The following HSPA4L variants were observed in gnomAD, a reference collection of about 807,000 sequenced individuals.
HSPA4L encodes heat shock protein family A (Hsp70) member 4 like.
HSPA4L carries 48 observed loss-of-function variants against 100.3 expected under a neutral mutation model. That is an observed-to-expected ratio of 0.48 (90% CI 0.38 to 0.61). The LOEUF (loss-of-function observed/expected upper bound fraction) is 0.61, where lower values mean the gene tolerates loss of function less well. Ranked by LOEUF, HSPA4L falls within the 20% of genes least tolerant of loss-of-function variation. The pLI, the probability that HSPA4L is intolerant of heterozygous loss-of-function variation, is 0.00. For synonymous variants in HSPA4L, 319 were observed against 328.2 expected, an observed-to-expected ratio of 0.97 and a Z score of 0.30; for missense variants, 886 against 988.6, an observed-to-expected ratio of 0.90 and a Z score of 1.39.
chr4:127,787,792 G>A (rs1732758881), intron 1 of HSPA4L, among the ~76,000 whole-genome samples: 1 of 151,756 alleles, frequency 6.6e-6, no homozygotes, highest in Non-Finnish European at 1.5e-5. Flanking sequence ...GCTGAGATGA[G>A]TGAAAAGCCA....
intron 16 of HSPA4L, among the ~76,000 whole-genome samples, chr4:127,826,494 G>A (rs1733954113): frequency 6.6e-6 from 1 of 152,098 alleles, no homozygotes; most frequent in Non-Finnish European, 1.5e-5. Context: ...TGGTATCCTG[G>A]AACAGATGAT....
intron 12 of HSPA4L, chr4:127,812,653 T>TTTTTG (rs971339910): frequency 5.2e-5 from 35 of 676,344 alleles, no homozygotes; most frequent in Admixed American, 1.1e-4. Flanking sequence ...TGTTTGTTTG[T>TTTTTG]TTTTGTTTTG....
intron 15 of HSPA4L, 151 bp downstream of exon 15, chr4:127,823,045 A>G: frequency 3.1e-6 from 2 of 651,090 alleles, no homozygotes; most frequent in Non-Finnish European, 4.8e-6. Context: ...TACAAGTTGC[A>G]GAAGTATGGT....
Position 127,782,500 on chromosome 4 carries a change from G to C in HSPA4L, c.-51G>C. 1 of 1,470,470 alleles carries C rather than the reference G, an allele frequency of 6.8e-7. No individual in the cohort carries two copies. Among genetic ancestry groups the C allele is most frequent in the Non-Finnish European group, 9.5e-7 (1 of 1,050,434 alleles). 91.1% of individuals were successfully genotyped at this position (1,470,470 alleles called of 1,614,324 possible). ...CAGCAATAGCCCAGAAGAGGACACG[G>C]TTCCCGTACCGAAGGGTTCAGTACC... On this transcript the variant is annotated 5_prime_UTR_variant, in exon 1 of 19. Transcript: ENST00000296464.
chr4:127,840,290 T>C lies in HSPA4L; in HGVS notation c.*7416T>C, dbSNP rs1247071640. 1.1e-4 allele frequency: 8 copies of C among 72,450 alleles called. No homozygotes were observed. The highest frequency in any genetic ancestry group is 1.8e-4 in the Non-Finnish European group (7 of 38,628). The allele number at this position is 72,450 out of a possible 1,614,324, so 4.5% of individuals were successfully genotyped here. On this transcript the variant is annotated 3_prime_UTR_variant, in exon 19 of 19. Transcript: ENST00000296464. ...CTCTAGTCATTATGGAAAATAACTT[T>C]TGGCAGTTTAGTTCCTAATGTTAAC...
intron 11 of HSPA4L, among the ~76,000 whole-genome samples, chr4:127,810,585 T>C (rs1324602209): frequency 2.6e-5 from 4 of 152,088 alleles, no homozygotes; most frequent in Admixed American, 2.6e-4. Flanking sequence ...TAGTGAGACC[T>C]AATCTGTACT....
At chr4:127,785,611 A>G (rs1270496266) in intron 1 of HSPA4L, among the ~76,000 whole-genome samples, 1 of 151,780 alleles carries the variant, frequency 6.6e-6, no homozygotes, top group Admixed American at 6.6e-5. Flanking sequence ...CTATTTTTGT[A>G]TTTTTAGTAG....
intron 4 of HSPA4L, 70 bp downstream of exon 4, chr4:127,798,779 T>C (rs1733094555): frequency 6.9e-7 from 1 of 1,455,666 alleles, no homozygotes; most frequent in African/African-American, 1.4e-5. Context: ...TATTGAAAGA[T>C]TTTTCTTCCC....
chr4:127,805,065 T>A lies in HSPA4L; in HGVS notation c.986-8T>A. On this transcript the variant is annotated splice_polypyrimidine_tract_variant and splice_region_variant and intron_variant, in intron 8 of 18. Transcript: ENST00000296464. ...CTATCATTTTTCTCAATTAAAAAAA[T>A]TTTCCAGACTTACAACGTGAAGACA... The A allele has an allele frequency of 6.4e-7, 1 of 1,565,888 alleles. No homozygotes were observed. The highest frequency in any genetic ancestry group is 1.2e-5 in the South Asian group (1 of 82,526).
At chr4:127,817,788 T>C (rs1733706344) in intron 12 of HSPA4L, among the ~76,000 whole-genome samples, 1 of 152,216 alleles carries the variant, frequency 6.6e-6, no homozygotes, top group Non-Finnish European at 1.5e-5. Context: ...TGTATCTTTT[T>C]CATTTTATTT....
In HSPA4L at chr4:127,794,057, T is replaced by C; in HGVS notation, c.108-20T>C. 1 of 1,571,972 alleles carries C rather than the reference T, an allele frequency of 6.4e-7. No individual in the cohort carries two copies. Among genetic ancestry groups the C allele is most frequent in the Admixed American group, 1.8e-5 (1 of 56,382 alleles). On this transcript the variant is annotated intron_variant, in intron 1 of 18. Transcript: ENST00000296464. Reference sequence around the variant, plus strand: ...AATATAAAAGTACCATGGAACAAACTTTTTGTTTTTCTGGTTTAGGGCCTG... The same window carrying C: ...AATATAAAAGTACCATGGAACAAACCTTTTGTTTTTCTGGTTTAGGGCCTG...
At chr4:127,801,694 C>T in intron 5 of HSPA4L, 91 bp from the exon 6 acceptor site, 1 of 969,198 alleles carries the variant, frequency 1.0e-6, no homozygotes, top group Non-Finnish European at 1.5e-6. Flanking sequence ...TATTACTATA[C>T]TGCATATTAA....
chr4:127,808,694 A>G (rs1307192431), intron 11 of HSPA4L, among the ~76,000 whole-genome samples: 2 of 152,180 alleles, frequency 1.3e-5, no homozygotes, highest in Admixed American at 6.6e-5. Flanking sequence ...GAGACCTGGG[A>G]CCAATACTCA....
Position 127,808,033 on chromosome 4 carries a change from T to C in HSPA4L, c.1282T>C (p.Phe428Leu). 1 of 1,612,770 alleles carries C rather than the reference T, an allele frequency of 6.2e-7. No homozygotes were observed. Among genetic ancestry groups the C allele is most frequent in the East Asian group, 2.2e-5 (1 of 44,770 alleles). ...EVFCKNHPAPFSKVITFHKKE... is the reference protein window; with the variant it reads ...EVFCKNHPAPLSKVITFHKKE... ...TTTCTGTAAGAACCATCCTGCCCCA[T>C]TCTCAAAAGTCATTACTTTCCACAA... is the stretch of plus-strand genomic sequence containing the variant. The change falls in exon 11 of 19, where the codon TTC becomes CTC. Residue 428 changes from phenylalanine to leucine, a missense_variant. By Grantham distance (22) the Phe-to-Leu change is conservative (BLOSUM62 0). Coordinates refer to ENST00000296464, the MANE Select transcript of HSPA4L (RefSeq NM_014278.4).
intron 13 of HSPA4L, 81 bp downstream of exon 13, chr4:127,818,501 A>G (rs1172497358): frequency 7.7e-6 from 6 of 774,670 alleles, no homozygotes; most frequent in African/African-American, 1.8e-5. Flanking sequence ...CTTTTAACGC[A>G]CTTGATATTT....
In HSPA4L at chr4:127,798,611, C is replaced by T. The variant is rs760314573; in HGVS notation, c.331C>T (p.Pro111Ser). ...VKVRYLEEER[P>S]FAIEQVTGML... Reference sequence around the variant, plus strand: ...GGTGCGGTACTTAGAGGAAGAGAGACCTTTTGCAATTGAGCAAGTTACTGG... The same window carrying T: ...GGTGCGGTACTTAGAGGAAGAGAGATCTTTTGCAATTGAGCAAGTTACTGG... Residue 111 changes from proline to serine, a missense_variant, in exon 4 of 19, where the codon CCT becomes TCT. Pro to Ser is a moderately conservative substitution (Grantham distance 74). Coordinates refer to ENST00000296464, the MANE Select transcript of HSPA4L (RefSeq NM_014278.4). 1 of 1,613,662 alleles carries T rather than the reference C, an allele frequency of 6.2e-7. No individual in the cohort carries two copies.
Position 127,832,906 on chromosome 4 carries a change from C to T in HSPA4L, c.*32C>T, listed in dbSNP as rs755810836. 7.3e-6 allele frequency: 11 copies of T among 1,508,230 alleles called. No individual in the cohort carries two copies. In the Admixed American group the frequency reaches 9.6e-5, roughly 13 times the overall value. 93.4% of individuals were successfully genotyped at this position (1,508,230 alleles called of 1,614,324 possible). A position where few individuals can be genotyped will look rare whatever the true frequency, so the allele number is the denominator to read the frequency against. On this transcript the variant is annotated 3_prime_UTR_variant, in exon 19 of 19. Transcript: ENST00000296464. ...ATTTTACCTTCACATTAATTCAAAC[C>T]GTGCAAGTAACCACGGGGTCCATCT...
Position 127,805,070 on chromosome 4 carries a change from C to A in HSPA4L, c.986-3C>A. 6.4e-7 allele frequency: 1 copy of A among 1,566,578 alleles called. No homozygotes were observed. Among genetic ancestry groups the A allele is most frequent in the South Asian group, 1.2e-5 (1 of 82,054 alleles). On this transcript the variant is annotated splice_polypyrimidine_tract_variant and splice_region_variant and intron_variant, in intron 8 of 18. Transcript: ENST00000296464. Reference sequence around the variant, plus strand: ...ATTTTTCTCAATTAAAAAAATTTTCCAGACTTACAACGTGAAGACATTAGT... The same window carrying A: ...ATTTTTCTCAATTAAAAAAATTTTCAAGACTTACAACGTGAAGACATTAGT...
chr4:127,810,071 A>C (rs1344276148), intron 11 of HSPA4L, among the ~76,000 whole-genome samples: 1 of 152,142 alleles, frequency 6.6e-6, no homozygotes, highest in African/African-American at 2.4e-5. Flanking sequence ...TCTTCTATAA[A>C]CATCTTCTAT....
Sources: gnomAD v4.1 joint callset for allele counts (sites outside exome capture counted in the v4.1 genomes callset) on GRCh38, gnomAD v4.1.1 for gene constraint, MANE v1.5 for transcripts, NCBI Gene and HGNC (gene_info 2026-07-23, HGNC 2026-07-21) for gene names.